The following AGMO variants were observed in gnomAD, a reference collection of about 807,000 sequenced individuals.
AGMO encodes the protein alkylglycerol monooxygenase, also known as glyceryl-ether monooxygenase.
A neutral mutation model predicts 60.2 loss-of-function variants in AGMO; 75 were observed. The ratio of observed to expected loss-of-function variants is 1.25; its 90% CI spans 1.03 to 1.51. AGMO has a LOEUF of 1.51. Ranked by LOEUF, AGMO falls within the 40% of genes most tolerant of loss-of-function variation. The probability of loss-of-function intolerance (pLI) is 0.00; values close to 1 mark genes in which losing one functional copy is unlikely to be tolerated. For synonymous variants in AGMO, 261 were observed against 177.1 expected, an observed-to-expected ratio of 1.47 and a Z score of -3.76; for missense variants, 763 against 525.5, an observed-to-expected ratio of 1.45 and a Z score of -4.42.
At chr7:15,534,252 A>G (rs1046824172) in intron 3 of AGMO, among the ~76,000 whole-genome samples, 1 of 152,208 alleles carries the variant, frequency 6.6e-6, no homozygotes, top group East Asian at 1.9e-4. Flanking sequence ...AAAGGACAAC[A>G]AAAGACATTT....
chr7:15,194,821 A>AT, the AGMO span, among the ~76,000 whole-genome samples: 1 of 152,046 alleles, frequency 6.6e-6, no homozygotes, highest in African/African-American at 2.4e-5. Flanking sequence ...GCCAGGTTCC[A>AT]TTTTTAGATG....
chr7:15,171,251 G>C, the AGMO span, among the ~76,000 whole-genome samples: 1 of 152,214 alleles, frequency 6.6e-6, no homozygotes, highest in Non-Finnish European at 1.5e-5. Context: ...AAAGTGATGG[G>C]ATTACAGGCT....
At chr7:15,465,780 ATT>A (rs1277019261) in intron 3 of AGMO, among the ~76,000 whole-genome samples, 1 of 151,804 alleles carries the variant, frequency 6.6e-6, no homozygotes, top group Non-Finnish European at 1.5e-5. Context: ...GCTTTCAATC[ATT>A]GTTTATCTGT....
intron 3 of AGMO, among the ~76,000 whole-genome samples, chr7:15,442,613 T>C (rs569926655): frequency 6.6e-6 from 1 of 152,198 alleles, no homozygotes; most frequent in Non-Finnish European, 1.5e-5. Context: ...TTTGATCTTA[T>C]AGTGATACAG....
At chr7:15,172,310 T>A in the AGMO span, among the ~76,000 whole-genome samples, 68 of 152,284 alleles carry the variant, frequency 4.5e-4, no homozygotes, top group Admixed American at 1.6e-3. Context: ...AATAAGTACA[T>A]TTAAATAAGT....
intron 3 of AGMO, among the ~76,000 whole-genome samples, chr7:15,481,267 AG>A (rs1782741096): frequency 6.6e-6 from 1 of 152,160 alleles, no homozygotes; most frequent in South Asian, 2.1e-4. Context: ...AATAATGGGC[AG>A]GTCTGGAAAA....
intron 3 of AGMO, among the ~76,000 whole-genome samples, chr7:15,470,651 C>T (rs1782428917): frequency 6.6e-6 from 1 of 151,890 alleles, no homozygotes; most frequent in Non-Finnish European, 1.5e-5. Context: ...ATTAAGCAAT[C>T]TTGTATCACT....
chr7:15,351,032 T>C (rs747639638), intron 12 of AGMO, among the ~76,000 whole-genome samples: 2 of 152,164 alleles, frequency 1.3e-5, no homozygotes, highest in Admixed American at 6.6e-5. Flanking sequence ...CATGAGATAG[T>C]AGGCATTCTA....
chr7:15,240,070 G>A (rs945769460), intron 12 of AGMO, among the ~76,000 whole-genome samples: 5 of 152,132 alleles, frequency 3.3e-5, no homozygotes, highest in East Asian at 3.9e-4. Flanking sequence ...CAATAGAAAC[G>A]TCAAAAAGAG....
chr7:15,507,138 T>A (rs1021617776), intron 3 of AGMO, among the ~76,000 whole-genome samples: 6 of 152,036 alleles, frequency 3.9e-5, no homozygotes, highest in Admixed American at 6.6e-5. Context: ...CCATTCTGAC[T>A]TCCAAGTACA....
intron 3 of AGMO, among the ~76,000 whole-genome samples, chr7:15,529,107 A>C (rs1378209231): frequency 6.6e-6 from 1 of 152,090 alleles, no homozygotes; most frequent in Non-Finnish European, 1.5e-5. Context: ...TTCTCAGCTT[A>C]ATTGGGGGAA....
chr7:15,482,623 A>T (rs1425341785), intron 3 of AGMO, among the ~76,000 whole-genome samples: 1 of 152,186 alleles, frequency 6.6e-6, no homozygotes, highest in African/African-American at 2.4e-5. Flanking sequence ...AAAAGTAGGG[A>T]CACTTGTCAT....
intron 12 of AGMO, among the ~76,000 whole-genome samples, chr7:15,351,468 A>G (rs1238379059): frequency 1.3e-5 from 2 of 152,176 alleles, no homozygotes; most frequent in African/African-American, 4.8e-5. Context: ...GGCATGAGTG[A>G]TTAGTAATAA....
At chr7:15,541,469 A>G (rs991126838) in intron 3 of AGMO, among the ~76,000 whole-genome samples, 4 of 152,188 alleles carry the variant, frequency 2.6e-5, no homozygotes, top group African/African-American at 9.7e-5. Flanking sequence ...GCTACTTTTT[A>G]AATTTAAGAA....
chr7:15,137,845 G>A, the AGMO span, among the ~76,000 whole-genome samples: 1 of 152,108 alleles, frequency 6.6e-6, no homozygotes, highest in East Asian at 1.9e-4. Context: ...AGGTTAAGGA[G>A]GAGAGAGAGG....
At chr7:15,541,311 A>G (rs1965120) in intron 3 of AGMO, among the ~76,000 whole-genome samples, 123,435 of 151,916 alleles carry the variant, frequency 0.81, 50,454 homozygotes, top group African/African-American at 0.89. Context: ...TAGTAGAGAC[A>G]AGGTTTCACC....
At chr7:15,458,677 G>A (rs960823391) in intron 3 of AGMO, among the ~76,000 whole-genome samples, 36 of 151,914 alleles carry the variant, frequency 2.4e-4, no homozygotes, top group Admixed American at 1.4e-3. Context: ...CACATACATC[G>A]CCACCTTTAA....
At chr7:15,151,730 T>C in the AGMO span, among the ~76,000 whole-genome samples, 1 of 152,130 alleles carries the variant, frequency 6.6e-6, no homozygotes. Context: ...TGGCAGAACA[T>C]ATGGTCCACT....
At chr7:15,538,761 A>C (rs542584701) in intron 3 of AGMO, among the ~76,000 whole-genome samples, 9 of 152,290 alleles carry the variant, frequency 5.9e-5, no homozygotes, top group African/African-American at 2.2e-4. Flanking sequence ...AATTAGGATA[A>C]TCTAACTTCA....
Sources: allele counts gnomAD v4.1 joint callset (sites outside exome capture counted in the v4.1 genomes callset), GRCh38; gene constraint gnomAD v4.1.1; transcripts MANE v1.5; gene names NCBI Gene and HGNC (gene_info 2026-07-23, HGNC 2026-07-21).